Variants in TBC1D31 observed in about 807,000 individuals in gnomAD.
TBC1D31 encodes the protein TBC1 domain family member 31.
Under a neutral mutation model 132.9 loss-of-function variants are expected in TBC1D31, and 99 were observed. That is an observed-to-expected ratio of 0.74 (90% CI 0.63 to 0.88). TBC1D31 has a LOEUF of 0.88. TBC1D31 is among the 40% of genes least tolerant of loss of function. The probability of loss-of-function intolerance (pLI) is 0.00; values close to 1 mark genes in which losing one functional copy is unlikely to be tolerated. For synonymous variants in TBC1D31, 385 were observed against 419.4 expected (o/e 0.92, Z 1.00); for missense variants, 1,134 against 1,256.6 (o/e 0.90, Z 1.48).
intron 6 of TBC1D31, among the ~76,000 whole-genome samples, chr8:123,100,043 G>A (rs1485410753): frequency 6.6e-6 from 1 of 152,108 alleles, no homozygotes; most frequent in Non-Finnish European, 1.5e-5. Context: ...GGCCCTATCT[G>A]CCAACACTGT....
chr8:123,156,014 A>G (rs1308189008), downstream of TBC1D31, among the ~76,000 whole-genome samples: 1 of 152,232 alleles, frequency 6.6e-6, no homozygotes, highest in African/African-American at 2.4e-5. Context: ...ACATACATGA[A>G]AAATGGCAGA....
intron 20 of TBC1D31, among the ~76,000 whole-genome samples, chr8:123,146,373 G>A (rs1455757466): frequency 6.6e-6 from 1 of 152,090 alleles, no homozygotes; most frequent in Non-Finnish European, 1.5e-5. Context: ...ACTACCTTGT[G>A]TCCACTCACC....
the TBC1D31 span, among the ~76,000 whole-genome samples, chr8:123,163,525 C>T: frequency 7.2e-5 from 11 of 152,006 alleles, no homozygotes; most frequent in East Asian, 3.9e-4. Flanking sequence ...CCACCACACC[C>T]GGTTAATTTT....
chr8:123,147,988 G>A (rs1156919910), intron 20 of TBC1D31, among the ~76,000 whole-genome samples: 8 of 152,074 alleles, frequency 5.3e-5, no homozygotes, highest in African/African-American at 9.6e-5. Flanking sequence ...TTAGCCAGGC[G>A]TGGTGGTACA....
At position 123,093,693 on chromosome 8, in the gene TBC1D31, G is replaced by A. The variant is rs757720269; in HGVS notation, c.622G>A (p.Ala208Thr). 12 of 1,610,918 alleles carry A rather than the reference G, an allele frequency of 7.4e-6. No individual in the cohort carries two copies. Among genetic ancestry groups the A allele is most frequent in the Non-Finnish European group, 8.5e-7 (1 of 1,177,856 alleles). Residue 208 changes from alanine to threonine, a missense_variant, in exon 5 of 22, where the codon GCT (alanine) becomes ACT (threonine). Ala to Thr is a moderately conservative substitution (Grantham distance 58). Coordinates refer to ENST00000287380, the MANE Select transcript of TBC1D31 (RefSeq NM_145647.4). ...ACTTTTTTGCAAATATCAATTGCCA[G>A]CTCCACCTGAAAGCTCTAGTATATT... ...DTLFCKYQLP[A>T]PPESSSILYK...
intron 14 of TBC1D31, 117 bp from the exon 15 acceptor site, chr8:123,128,949 T>C: frequency 1.6e-6 from 1 of 643,276 alleles, no homozygotes; most frequent in Non-Finnish European, 2.5e-6. Flanking sequence ...ATATTAAAGA[T>C]AGTTAATTCT....
chr8:123,073,589 C>T (rs1203709846), intron 1 of TBC1D31, among the ~76,000 whole-genome samples: 1 of 152,180 alleles, frequency 6.6e-6, no homozygotes, highest in Non-Finnish European at 1.5e-5. Flanking sequence ...ATTTGGATTT[C>T]GATTTCTGCA....
In TBC1D31 at chr8:123,126,650, C is replaced by T. The variant is rs138083564; in HGVS notation, c.1847C>T (p.Thr616Met). 5.6e-5 allele frequency: 90 copies of T among 1,613,692 alleles called. No individual in the cohort carries two copies. Among genetic ancestry groups the T allele is most frequent in the African/African-American group, 1.1e-4 (8 of 74,910 alleles). ...GTAGCCTACAACATATGTTCTAGAA[C>T]GCCTCTGCTCAGCTGTAATCTTAAA... ...TVVAYNICSR[T>M]PLLSCNLKDD... The change falls in exon 13 of 22, where the codon ACG becomes ATG. Residue 616 changes from threonine (T) to methionine (M), a missense_variant. Physicochemically the swap from Thr to Met is moderately conservative, Grantham distance 81. Coordinates refer to ENST00000287380, the MANE Select transcript of TBC1D31 (RefSeq NM_145647.4).
In TBC1D31 at chr8:123,120,036, TAA is replaced by T; in HGVS notation, c.1437-18_1437-17del. 1 of 1,546,532 alleles carries T rather than the reference TAA, an allele frequency of 6.5e-7. No homozygotes were observed. The highest frequency in any genetic ancestry group is 1.2e-5 in the South Asian group (1 of 81,086). On this transcript the variant is annotated splice_polypyrimidine_tract_variant and intron_variant, in intron 10 of 21. Transcript: ENST00000287380. ...TATTTATTCAAATAAATTTTAATGC[TAA>T]GTTATTTTATTCACAGAACCTTATC... is the stretch of plus-strand genomic sequence containing the variant.
chr8:123,087,849 A>T (rs1376439137), intron 4 of TBC1D31, among the ~76,000 whole-genome samples: 1 of 152,228 alleles, frequency 6.6e-6, no homozygotes, highest in Admixed American at 6.5e-5. Flanking sequence ...GTGAAAATGT[A>T]TGTATAGTGT....
intron 4 of TBC1D31, among the ~76,000 whole-genome samples, chr8:123,087,222 T>A (rs6994495): frequency 6.6e-6 from 1 of 152,230 alleles, no homozygotes; most frequent in Admixed American, 6.5e-5. Context: ...TCTCCTTAAC[T>A]CCCACTGTCT....
intron 18 of TBC1D31, among the ~76,000 whole-genome samples, chr8:123,141,891 T>G (rs2130910212): frequency 7.0e-6 from 1 of 142,710 alleles, no homozygotes; most frequent in African/African-American, 2.7e-5. Flanking sequence ...GATGGAGTCT[T>G]ACTCTGTTAC....
At chr8:123,136,799 A>C (rs1172207385) in intron 17 of TBC1D31, among the ~76,000 whole-genome samples, 2 of 152,122 alleles carry the variant, frequency 1.3e-5, no homozygotes, top group Non-Finnish European at 2.9e-5. Flanking sequence ...AATGTTTGTT[A>C]ATCTCTTTTT....
chr8:123,114,866 A>G (rs1563717932), intron 10 of TBC1D31, among the ~76,000 whole-genome samples: 1 of 152,156 alleles, frequency 6.6e-6, no homozygotes, highest in Non-Finnish European at 1.5e-5. Context: ...TACTATACAT[A>G]CTATTTTGCC....
intron 14 of TBC1D31, 67 bp downstream of exon 14, chr8:123,128,580 A>G (rs1409676787): frequency 1.6e-6 from 2 of 1,289,114 alleles, no homozygotes; most frequent in Non-Finnish European, 2.2e-6. Flanking sequence ...GAAAGTTTTA[A>G]TGAAAAATAC....
At chr8:123,135,237 T>G (rs1463253457) in intron 17 of TBC1D31, among the ~76,000 whole-genome samples, 3 of 152,204 alleles carry the variant, frequency 2.0e-5, no homozygotes, top group African/African-American at 7.2e-5. Flanking sequence ...TGGAGTTAAC[T>G]CAGCAAATAT....
In TBC1D31 at chr8:123,097,328, T is replaced by A. The variant is rs774603058; in HGVS notation, c.718T>A (p.Leu240Met). 6.2e-7 allele frequency: 1 copy of A among 1,614,214 alleles called. No individual in the cohort carries two copies. ...AAGGKSNHLH[L>M]WCLEARQLFR... The stretch of plus-strand genomic sequence containing the variant: ...TGGAGGCAAGTCAAATCATCTTCAT[T>A]TGTGGTGCTTGGAAGCTAGGCAGCT... Residue 240 changes from leucine to methionine, a missense_variant, in exon 6 of 22, where the codon TTG becomes ATG. By Grantham distance (15) the Leu-to-Met change is conservative. Coordinates refer to ENST00000287380, the MANE Select transcript of TBC1D31 (RefSeq NM_145647.4).
At chr8:123,141,656 G>A (rs998763577) in intron 18 of TBC1D31, among the ~76,000 whole-genome samples, 21 of 152,096 alleles carry the variant, frequency 1.4e-4, no homozygotes, top group African/African-American at 4.8e-4. Flanking sequence ...TTGTACAACA[G>A]TCTCTTAGGT....
At chr8:123,100,729 G>A (rs1305119405) in intron 6 of TBC1D31, 78 bp from the exon 7 acceptor site, 19 of 1,063,920 alleles carry the variant, frequency 1.8e-5, no homozygotes, top group Admixed American at 1.1e-4. Flanking sequence ...TTGCATACAC[G>A]TAAAGACGTG....
Sources: allele counts gnomAD v4.1 joint callset (sites outside exome capture counted in the v4.1 genomes callset), GRCh38; gene constraint gnomAD v4.1.1; transcripts MANE v1.5; gene names NCBI Gene and HGNC (gene_info 2026-07-23, HGNC 2026-07-21).